The following CTNNA2 variants were observed in gnomAD, a reference collection of about 807,000 sequenced individuals.
CTNNA2 encodes the protein catenin alpha-2.
In CTNNA2, 42 loss-of-function variants were observed where a neutral mutation model predicts 101.0. The ratio of observed to expected loss-of-function variants is 0.42; its 90% CI spans 0.32 to 0.54. CTNNA2 has a LOEUF of 0.54. Ranked by LOEUF, CTNNA2 falls within the 20% of genes least tolerant of loss-of-function variation. CTNNA2 has a pLI of 0.14. For missense variants in CTNNA2, 871 were observed against 1,223.1 expected (o/e 0.71, Z 4.29); for synonymous variants, 450 against 456.4 (o/e 0.99, Z 0.18).
intron 7 of CTNNA2, among the ~76,000 whole-genome samples, chr2:80,143,144 T>A (rs1414163884): frequency 1.3e-5 from 2 of 152,198 alleles, no homozygotes; most frequent in African/African-American, 2.4e-5. Flanking sequence ...CAGTGCTGAA[T>A]GGATGTGAAA....
At chr2:79,233,295 TA>T (rs372729115) in intron 2 of CTNNA2, among the ~76,000 whole-genome samples, 4 of 152,218 alleles carry the variant, frequency 2.6e-5, no homozygotes, top group African/African-American at 9.6e-5. Context: ...TACTTTATCT[TA>T]ATTTCATTGA....
chr2:79,400,139 A>C (rs1678274271), intron 4 of CTNNA2, among the ~76,000 whole-genome samples: 1 of 152,076 alleles, frequency 6.6e-6, no homozygotes, highest in East Asian at 1.9e-4. Flanking sequence ...TAAATAGATA[A>C]GAGACAAATG....
intron 7 of CTNNA2, among the ~76,000 whole-genome samples, chr2:80,005,924 C>T (rs1333602423): frequency 6.6e-6 from 1 of 152,012 alleles, no homozygotes. Flanking sequence ...ACTAGAGCTA[C>T]ACATAATAGC....
At chr2:79,272,465 G>A (rs777192611) in intron 2 of CTNNA2, among the ~76,000 whole-genome samples, 14 of 151,976 alleles carry the variant, frequency 9.2e-5, no homozygotes, top group Non-Finnish European at 1.6e-4. Flanking sequence ...TCCTAGCTTA[G>A]ATTGTCTTCT....
rs192266399 is a variant in CTNNA2 at position 80,400,683 on chromosome 2, G to C, written c.1137+7392G>C. On this transcript the variant is annotated intron_variant, in intron 8 of 18. Coordinates refer to ENST00000402739, the MANE Select transcript of CTNNA2 (RefSeq NM_001282597.3). Reference sequence around the variant, plus strand: ...CTTTTCAAGACAGTGACAGTCCCACGCAACTCCTCCTTTTGTTATTCCTTA... The same window carrying C: ...CTTTTCAAGACAGTGACAGTCCCACCCAACTCCTCCTTTTGTTATTCCTTA... Among the ~76,000 whole-genome samples the C allele has an allele frequency of 5.3e-5, 8 of 152,138 alleles. No homozygotes were observed. The East Asian group carries it at 9.7e-4, about 18-fold the overall frequency.
At chr2:80,634,435 C>G (rs1286489558) in intron 18 of CTNNA2, among the ~76,000 whole-genome samples, 1 of 152,036 alleles carries the variant, frequency 6.6e-6, no homozygotes, top group Non-Finnish European at 1.5e-5. Flanking sequence ...GCAAACATGA[C>G]TGGTCTTTCT....
intron 7 of CTNNA2, among the ~76,000 whole-genome samples, chr2:80,267,256 T>G (rs1673072397): frequency 6.6e-6 from 1 of 151,930 alleles, no homozygotes; most frequent in South Asian, 2.1e-4. Flanking sequence ...GTGAAGGGGG[T>G]GGGGACACAA....
chr2:80,209,600 CAG>C (rs201887078), intron 7 of CTNNA2, among the ~76,000 whole-genome samples: 48 of 148,570 alleles, frequency 3.2e-4, no homozygotes, highest in African/African-American at 1.1e-3. Context: ...CTCATACACA[CAG>C]ACACACACAC....
chr2:80,627,248 G>A (rs1573500480), intron 18 of CTNNA2, among the ~76,000 whole-genome samples: 1 of 152,246 alleles, frequency 6.6e-6, no homozygotes, highest in East Asian at 1.9e-4. Context: ...GGGATGGCTA[G>A]GTCAAATGGT....
intron 2 of CTNNA2, among the ~76,000 whole-genome samples, chr2:79,272,164 A>C (rs1170984080): frequency 6.6e-6 from 1 of 152,052 alleles, no homozygotes. Flanking sequence ...TATCTGTTCA[A>C]ATCACTTAAG....
At chr2:79,332,750 C>G (rs1040663201) in intron 3 of CTNNA2, among the ~76,000 whole-genome samples, 2 of 152,080 alleles carry the variant, frequency 1.3e-5, no homozygotes, top group African/African-American at 2.4e-5. Flanking sequence ...TTAGTCAAAA[C>G]CCACACCCTG....
chr2:79,375,500 A>G (rs933307905), intron 4 of CTNNA2, among the ~76,000 whole-genome samples: 1 of 152,212 alleles, frequency 6.6e-6, no homozygotes, highest in African/African-American at 2.4e-5. Flanking sequence ...TCATTCATTC[A>G]TGTGACATTT....
At chr2:80,270,164 T>C (rs562149982) in intron 7 of CTNNA2, among the ~76,000 whole-genome samples, 2 of 152,356 alleles carry the variant, frequency 1.3e-5, no homozygotes, top group Admixed American at 1.3e-4. Flanking sequence ...CATTCCATAA[T>C]GATACACTTT....
At chr2:80,054,364 C>G (rs1055339788) in intron 7 of CTNNA2, among the ~76,000 whole-genome samples, 2 of 152,172 alleles carry the variant, frequency 1.3e-5, no homozygotes, top group African/African-American at 4.8e-5. Flanking sequence ...AGCTTAAGCT[C>G]AAGGAGGTTG....
chr2:80,406,998 C>T (rs552087704), intron 8 of CTNNA2, among the ~76,000 whole-genome samples: 95 of 152,060 alleles, frequency 6.2e-4, no homozygotes, highest in African/African-American at 1.9e-3. Context: ...GCAGGAAATT[C>T]ATGATTTGGG....
At chr2:79,214,920 C>T (rs1674228792) in intron 2 of CTNNA2, among the ~76,000 whole-genome samples, 2 of 151,852 alleles carry the variant, frequency 1.3e-5, no homozygotes, top group African/African-American at 2.4e-5. Flanking sequence ...GTTCTGGAGG[C>T]AAGGGAAACA....
chr2:80,364,556 A>ATTTTTTTTTTTTTTTTTT (rs57073635), intron 7 of CTNNA2, among the ~76,000 whole-genome samples: 1 of 123,516 alleles, frequency 8.1e-6, no homozygotes, highest in Non-Finnish European at 1.7e-5. Flanking sequence ...AGAGAAAGTA[A>ATTTTTTTTTTTTTTTTTT]TTTTTTTTTT....
rs1173677242 is a variant in CTNNA2, at chr2:79,247,118, T to C, written c.-406+49042T>C. ...GGCAGAGACAGCTTTTAGGAACCAC[T>C]TGTGGATGTGGGAGGAATTGTAGAC... On this transcript the variant is annotated intron_variant, in intron 2 of 21. Transcript: ENST00000466387. Among the ~76,000 whole-genome samples, 4 of 152,144 alleles carry C rather than the reference T, an allele frequency of 2.6e-5. No homozygotes were observed. In the East Asian group the frequency reaches 7.7e-4, roughly 29 times the overall value.
chr2:80,469,729 G>C (rs1368849863), intron 9 of CTNNA2, among the ~76,000 whole-genome samples: 1 of 152,206 alleles, frequency 6.6e-6, no homozygotes, highest in Admixed American at 6.5e-5. Context: ...CTTATGGGGG[G>C]TATAGTCTAG....
Sources: allele counts gnomAD v4.1 joint callset (sites outside exome capture counted in the v4.1 genomes callset), GRCh38; gene constraint gnomAD v4.1.1; transcripts MANE v1.5; gene names NCBI Gene and HGNC (gene_info 2026-07-23, HGNC 2026-07-21).